The following SLC43A2 variants were observed in gnomAD, a reference collection of about 807,000 sequenced individuals.
SLC43A2 encodes solute carrier family 43 member 2.
A neutral mutation model predicts 63.2 loss-of-function variants in SLC43A2; 38 were observed. The observed-to-expected ratio is 0.60, with a 90% CI of 0.46 to 0.79. The LOEUF is 0.79. Ranked by LOEUF, SLC43A2 falls within the 30% of genes least tolerant of loss-of-function variation. The pLI is 0.00. For missense variants in SLC43A2, 644 were observed against 756.2 expected, an observed-to-expected ratio of 0.85 and a Z score of 1.74; for synonymous variants, 322 against 331.0, an observed-to-expected ratio of 0.97 and a Z score of 0.30.
intron 2 of SLC43A2, among the ~76,000 whole-genome samples, chr17:1,624,056 G>T (rs556688436): frequency 6.6e-6 from 1 of 152,224 alleles, no homozygotes; most frequent in Non-Finnish European, 1.5e-5. Context: ...ACAGGTATGC[G>T]TGTGATGACT....
chr17:1,590,302 G>A (rs146550798), intron 9 of SLC43A2, among the ~76,000 whole-genome samples: 34 of 151,768 alleles, frequency 2.2e-4, no homozygotes, highest in Admixed American at 4.6e-4. Context: ...CGCAAGCTCC[G>A]AGGAAGTCTC....
Position 1,575,467 on chromosome 17 carries a change from A to C in SLC43A2, c.*137T>G. 1.8e-6 allele frequency: 2 copies of C among 1,118,766 alleles called. No individual in the cohort carries two copies. The highest frequency in any genetic ancestry group is 1.4e-5 in the South Asian group (1 of 72,252). 69.3% of individuals were successfully genotyped at this position (1,118,766 alleles called of 1,614,324 possible). A position where few individuals can be genotyped will look rare whatever the true frequency, so the allele number is the denominator to read the frequency against. On this transcript the variant is annotated 3_prime_UTR_variant, in exon 14 of 14. Transcript: ENST00000301335. Reference sequence around the variant, plus strand: ...TCCTTCCACCACAGAGCTCCGAGGCAGGGCCCCGGGAGGGAGCGTGAACGC... The same window carrying C: ...TCCTTCCACCACAGAGCTCCGAGGCCGGGCCCCGGGAGGGAGCGTGAACGC...
chr17:1,616,853 TC>T lies in SLC43A2; in HGVS notation c.161-85del, dbSNP rs978634233. 7 of 1,482,310 alleles carry T rather than the reference TC, an allele frequency of 4.7e-6. No individual in the cohort carries two copies. In the African/African-American group the frequency reaches 6.9e-5, roughly 15 times the overall value. 91.8% of individuals were successfully genotyped at this position (1,482,310 alleles called of 1,614,324 possible). A position where few individuals can be genotyped will look rare whatever the true frequency, so the allele number is the denominator to read the frequency against. On this transcript the variant is annotated intron_variant, in intron 2 of 13. Coordinates refer to ENST00000301335, the MANE Select transcript of SLC43A2 (RefSeq NM_152346.3). ...CAGAAGGGCAGGTGCCCATTCAGAGTCCCCCCACTGGGAATGCCAGGGCTGG... is the reference window on the plus strand; with the variant it reads ...CAGAAGGGCAGGTGCCCATTCAGAGTCCCCCACTGGGAATGCCAGGGCTGG...
chr17:1,628,076 CG>C (rs2151087091), intron 1 of SLC43A2, 156 bp from the exon 2 acceptor site: 1 of 727,912 alleles, frequency 1.4e-6, no homozygotes, highest in African/African-American at 1.9e-5. Flanking sequence ...CAGCCCTGCC[CG>C]GACCTGGGAC....
At chr17:1,600,076 T>C (rs543935191) in intron 5 of SLC43A2, among the ~76,000 whole-genome samples, 1 of 142,348 alleles carries the variant, frequency 7.0e-6, no homozygotes, top group East Asian at 2.0e-4. Flanking sequence ...TTTGTCCTTT[T>C]TTTCTATGGG....
At position 1,572,074 on chromosome 17, in the gene SLC43A2, G is replaced by A. The variant is rs910607015; in HGVS notation, c.*3530C>T. On this transcript the variant is annotated 3_prime_UTR_variant, in exon 14 of 14. Transcript: ENST00000301335. ...AGCTGTAGTCCCTTCCCCTTCACAG[G>A]GCACTTGTCTTGCTGGTTGGGGTCA... 6.6e-6 allele frequency: 1 copy of A among 152,448 alleles called. No individual in the cohort carries two copies. The highest frequency in any genetic ancestry group is 1.5e-5 in the Non-Finnish European group (1 of 68,240). 9.4% of individuals were successfully genotyped at this position (152,448 alleles called of 1,614,324 possible). A position where few individuals can be genotyped will look rare whatever the true frequency, so the allele number is the denominator to read the frequency against.
At chr17:1,603,925 C>G (rs1186254340) in intron 5 of SLC43A2, among the ~76,000 whole-genome samples, 1 of 152,266 alleles carries the variant, frequency 6.6e-6, no homozygotes, top group East Asian at 1.9e-4. Context: ...CGCTGCCTCT[C>G]TGGAGTCTCC....
upstream of SLC43A2, among the ~76,000 whole-genome samples, chr17:1,629,687 G>T (rs1302443829): frequency 9.2e-5 from 14 of 152,186 alleles, no homozygotes; most frequent in Non-Finnish European, 1.9e-4. Context: ...CCCTGCCCGC[G>T]CTGGCCACCT....
At chr17:1,613,058 C>T (rs1907274336) in intron 5 of SLC43A2, 137 bp downstream of exon 5, 5 of 755,604 alleles carry the variant, frequency 6.6e-6, no homozygotes, top group Non-Finnish European at 1.1e-5. Flanking sequence ...GGCCACCTCG[C>T]CCATAGCCCC....
In SLC43A2 at chr17:1,577,394, G is replaced by A. The variant is rs183623727; in HGVS notation, c.1425-674C>T. Among the ~76,000 whole-genome samples the A allele has an allele frequency of 1.4e-4, 22 of 152,262 alleles. No homozygotes were observed. Among genetic ancestry groups the A allele is most frequent in the African/African-American group, 4.8e-4 (20 of 41,530 alleles). On this transcript the variant is annotated intron_variant, in intron 12 of 13. Coordinates refer to ENST00000301335, the MANE Select transcript of SLC43A2 (RefSeq NM_152346.3). This position sits in a 1 kb window ranked among gnomAD's most constrained non-coding sequence, Gnocchi z 4.9. ...GTCCAGAGAAGCATTGAGTAATCGC[G>A]GAAACTCAGCACCACAGATCCCGCC...
intron 5 of SLC43A2, among the ~76,000 whole-genome samples, chr17:1,602,758 G>GTTT (rs555244484): frequency 3.6e-4 from 48 of 135,046 alleles, no homozygotes; most frequent in African/African-American, 1.1e-3. Context: ...TGTTTTTTCA[G>GTTT]TTTTTTTTTT....
chr17:1,601,303 A>G (rs1905995550), intron 5 of SLC43A2, among the ~76,000 whole-genome samples: 1 of 152,032 alleles, frequency 6.6e-6, no homozygotes, highest in Non-Finnish European at 1.5e-5. Flanking sequence ...CCAGAGTGGT[A>G]GAATCTCATT....
rs202014786 is a variant in SLC43A2, at chr17:1,591,515, G to A, written c.729-44C>T. The A allele has an allele frequency of 1.7e-3, 2,798 of 1,610,234 alleles. 58 individuals are homozygous for A. The African/African-American group carries it at 0.032, about 18-fold the overall frequency. ...GTCTGTGGGTGCTGCCCGGGACCCC[G>A]GCTGGGGGGCGGGGGCTGGGGGCAG... On this transcript the variant is annotated intron_variant, in intron 7 of 13. Coordinates refer to ENST00000301335, the MANE Select transcript of SLC43A2 (RefSeq NM_152346.3).
chr17:1,576,092 T>C (rs1293324669), intron 13 of SLC43A2, among the ~76,000 whole-genome samples: 3 of 146,848 alleles, frequency 2.0e-5, no homozygotes, highest in Admixed American at 2.0e-4. Context: ...TTTTTTTTTT[T>C]TTTTTTGAGA....
intron 6 of SLC43A2, 40 bp from the exon 7 acceptor site, chr17:1,591,739 G>GGGGGGGCC: frequency 3.3e-5 from 17 of 512,252 alleles, no homozygotes; most frequent in East Asian, 1.2e-4. Context: ...GGGGGAGGGG[G>GGGGGGGCC]CAGAGTTAGC....
At chr17:1,619,891 T>A (rs1349924487) in intron 2 of SLC43A2, among the ~76,000 whole-genome samples, 1 of 152,126 alleles carries the variant, frequency 6.6e-6, no homozygotes, top group East Asian at 1.9e-4. Context: ...GTGGAATAAC[T>A]GAGGGCTTGG....
chr17:1,623,153 A>G (rs1281701430), intron 2 of SLC43A2, among the ~76,000 whole-genome samples: 1 of 152,098 alleles, frequency 6.6e-6, no homozygotes, highest in African/African-American at 2.4e-5. Flanking sequence ...CAGCAGAGAA[A>G]TCTCCTGTCC....
intron 3 of SLC43A2, 83 bp from the exon 4 acceptor site, chr17:1,615,117 G>T: frequency 1.9e-6 from 3 of 1,544,644 alleles, no homozygotes; most frequent in East Asian, 2.4e-5. Flanking sequence ...TTGGTTTTTG[G>T]TTTTTCTTGA....
chr17:1,586,928 T>TCCCCCCCCCCCCCCCCCCCCCCCCCGC, intron 9 of SLC43A2: 1 of 1,232,912 alleles, frequency 8.1e-7, no homozygotes. Flanking sequence ...TCCCTGACAA[T>TCCCCCCCCCCCCCCCCCCCCCCCCCGC]CCCCCCCACC....
Sources: allele counts gnomAD v4.1 joint callset (sites outside exome capture counted in the v4.1 genomes callset), GRCh38; gene constraint gnomAD v4.1.1; non-coding constraint Gnocchi (gnomAD v3.1); transcripts MANE v1.5; gene names NCBI Gene and HGNC (gene_info 2026-07-23, HGNC 2026-07-21).